Variants in HUWE1 observed in about 807,000 individuals in gnomAD.
HUWE1 encodes E3 ubiquitin-protein ligase HUWE1.
Under a neutral mutation model 299.4 loss-of-function variants are expected in HUWE1, and 18 were observed. The ratio of observed to expected loss-of-function variants is 0.06; its 90% confidence interval spans 0.04 to 0.09. HUWE1 has a LOEUF of 0.09. HUWE1 is among the 10% of genes least tolerant of loss of function. The pLI, the probability that HUWE1 is intolerant of heterozygous loss-of-function variation, is 1.00. For missense variants in HUWE1, 1,832 were observed against 3,462.3 expected (o/e 0.53, Z 11.82); for synonymous variants, 1,317 against 1,286.1 (o/e 1.02, Z -0.51).
chrX:53,533,637 C>T lies in HUWE1; in HGVS notation c.13023-226G>A, dbSNP rs782113303. 1.8e-5 allele frequency: 8 copies of T among 448,265 alleles called. No individual in the cohort carries two copies. In the African/African-American group the frequency reaches 2.0e-4, roughly 11 times the overall value. 36.9% of individuals were successfully genotyped at this position (448,265 alleles called of 1,213,427 possible). On this transcript the variant is annotated intron_variant, in intron 83 of 83. Coordinates refer to ENST00000262854, the MANE Select transcript of HUWE1 (RefSeq NM_031407.7). Reference sequence around the variant, plus strand: ...TGACCCTGTCACTCCTCCTTAAACACCCTGGCCTCACTCGCCCATAGGCTA... The same window carrying T: ...TGACCCTGTCACTCCTCCTTAAACATCCTGGCCTCACTCGCCCATAGGCTA...
intron 3 of HUWE1, among the ~76,000 whole-genome samples, chrX:53,677,750 C>T (rs2069904882): frequency 9.0e-6 from 1 of 111,351 alleles, no homozygotes; most frequent in South Asian, 3.7e-4. Flanking sequence ...AATATACCCA[C>T]GCACTTCTGG....
intron 46 of HUWE1, among the ~76,000 whole-genome samples, chrX:53,574,571 T>A (rs1556956425): frequency 8.9e-6 from 1 of 112,487 alleles, no homozygotes; most frequent in Non-Finnish European, 1.9e-5. Flanking sequence ...ACACTACATA[T>A]GGCCAGTAAA....
intron 7 of HUWE1, 55 bp from the exon 8 acceptor site, chrX:53,634,353 C>A: frequency 1.1e-6 from 1 of 870,841 alleles, no homozygotes; most frequent in Non-Finnish European, 1.7e-6. Context: ...CTTTGCGCCA[C>A]TGCACTCCAG....
At chrX:53,573,336 C>G (rs2062929487) in intron 47 of HUWE1, among the ~76,000 whole-genome samples, 1 of 109,276 alleles carries the variant, frequency 9.2e-6, no homozygotes, top group African/African-American at 3.5e-5. Context: ...CTCCTGGGTT[C>G]AAGTGATTCC....
chrX:53,661,858 C>A (rs782130841), intron 3 of HUWE1, among the ~76,000 whole-genome samples: 1 of 111,732 alleles, frequency 8.9e-6, no homozygotes, highest in East Asian at 2.8e-4. Context: ...AGGTTTGAAT[C>A]TTGGTTTTGT....
chrX:53,601,345 C>A (rs1432759164), intron 28 of HUWE1, among the ~76,000 whole-genome samples: 3 of 109,706 alleles, frequency 2.7e-5, no homozygotes, highest in African/African-American at 1.0e-4. Context: ...CCATGGCCGG[C>A]TAATTTTTGT....
At position 53,554,813 on chromosome X, in the gene HUWE1, G is replaced by C. The variant is rs1165481938; in HGVS notation, c.8314C>G (p.Pro2772Ala). The C allele has an allele frequency of 8.3e-7, 1 of 1,209,498 alleles. No individual in the cohort carries two copies. Among genetic ancestry groups the C allele is most frequent in the Non-Finnish European group, 1.1e-6 (1 of 895,030 alleles). Reference protein sequence around the residue: ...LGTLQSSQQQPTLPTPPALGE... With the variant: ...LGTLQSSQQQATLPTPPALGE... ...AAAGCTGGTGGGGTTGGGAGTGTTG[G>C]TTGCTGTTGTGAGGATTGCAGAGTG... The change falls in exon 61 of 84, where the codon CCA becomes GCA. Residue 2772 changes from proline to alanine, a missense_variant. Transcript: ENST00000262854.
In HUWE1 at chrX:53,544,627, C is replaced by G. The variant is rs2061478452; in HGVS notation, c.11184G>C (p.Gln3728His). 1.7e-6 allele frequency: 2 copies of G among 1,208,821 alleles called. No individual in the cohort carries two copies. Among genetic ancestry groups the G allele is most frequent in the African/African-American group, 3.5e-5 (2 of 57,123 alleles). The change falls in exon 72 of 84, where the codon CAG (glutamine) becomes CAC (histidine). Residue 3728 changes from glutamine (Q) to histidine (H), a missense_variant. Coordinates refer to ENST00000262854, the MANE Select transcript of HUWE1 (RefSeq NM_031407.7). Reference protein sequence around the residue: ...STQKFFLRVLQVIIQLRDDTR... With the variant: ...STQKFFLRVLHVIIQLRDDTR... Reference sequence around the variant, plus strand: ...TGTCGTCCCGGAGCTGGATGATGACCTGTAGTACCCTCAAGAAGAACTTCT... The same window carrying G: ...TGTCGTCCCGGAGCTGGATGATGACGTGTAGTACCCTCAAGAAGAACTTCT...
chrX:53,686,497 T>TC lies in HUWE1; in HGVS notation c.-262+90dup, dbSNP rs202021767. On this transcript the variant is annotated intron_variant, in intron 1 of 83. Coordinates refer to ENST00000262854, the MANE Select transcript of HUWE1 (RefSeq NM_031407.7). ...CCTCCGCGCAGGGTCCCGTGGGAAC[T>TC]CCCCCCCCAACCTCGCCACTGCCAC... The TC allele has an allele frequency of 6.4e-3, 704 of 110,186 alleles. 3 individuals carry two copies. The highest frequency in any genetic ancestry group is 0.011 in the South Asian group (28 of 2,605). The allele number at this position is 110,186 out of a possible 1,213,427, so 9.1% of individuals were successfully genotyped here.
chrX:53,557,591 A>C (rs2062081342), intron 59 of HUWE1, among the ~76,000 whole-genome samples, 164 bp from the exon 60 acceptor site: 1 of 111,796 alleles, frequency 8.9e-6, no homozygotes, highest in Non-Finnish European at 1.9e-5. Context: ...TCACTGTGCA[A>C]ATATATGACC....
At chrX:53,663,914 C>T (rs1461797107) in intron 3 of HUWE1, among the ~76,000 whole-genome samples, 2 of 109,642 alleles carry the variant, frequency 1.8e-5, no homozygotes, top group Non-Finnish European at 3.8e-5. Context: ...GGAAGAAATA[C>T]ACATTATTAG....
chrX:53,575,202 T>C lies in HUWE1; in HGVS notation c.6050A>G (p.Asp2017Gly). ...TGCGGAAGTCTCAGTGGAGGCACCATCTGCAGCAAAGACCTGACTCTGAAG... is the reference window on the plus strand; with the variant it reads ...TGCGGAAGTCTCAGTGGAGGCACCACCTGCAGCAAAGACCTGACTCTGAAG... ...FSINSQVFAA[D>G]GASTETSASG... The change falls in exon 46 of 84, where the codon GAT (aspartate) becomes GGT (glycine). Residue 2017 changes from aspartate to glycine, a missense_variant. Transcript: ENST00000262854. 2 of 1,204,817 alleles carry C rather than the reference T, an allele frequency of 1.7e-6. No homozygotes were observed. Among genetic ancestry groups the C allele is most frequent in the Non-Finnish European group, 2.2e-6 (2 of 889,900 alleles).
chrX:53,535,563 T>C (rs782399523), intron 80 of HUWE1, 62 bp from the exon 81 acceptor site: 9 of 743,828 alleles, frequency 1.2e-5, no homozygotes, highest in Non-Finnish European at 1.9e-5. Flanking sequence ...ATTAGATACC[T>C]AGGAACACAC....
At position 53,583,600 on chromosome X, in the gene HUWE1, G is replaced by A; in HGVS notation, c.5478C>T (p.His1826=). 1 of 1,209,977 alleles carries A rather than the reference G, an allele frequency of 8.3e-7. No individual in the cohort carries two copies. The highest frequency in any genetic ancestry group is 1.1e-6 in the Non-Finnish European group (1 of 893,853). ...GAAGGGTACAGGGGTCCTCAATGAT[G>A]TGTCTTAAGAGAAGGGTGACCAGGG... ...FTPLVTLLLR[H]IIEDPCTLRH... is the part of the protein sequence containing the mutation. The change falls in exon 42 of 84, where the codon CAC becomes CAT. Residue 1826 remains histidine (H), a synonymous_variant. Coordinates refer to ENST00000262854, the MANE Select transcript of HUWE1 (RefSeq NM_031407.7).
chrX:53,550,255 G>T (rs947502506), intron 66 of HUWE1, among the ~76,000 whole-genome samples: 1 of 111,387 alleles, frequency 9.0e-6, no homozygotes, highest in Non-Finnish European at 1.9e-5. Flanking sequence ...GGCCTTGTAG[G>T]AACCAATCAC....
intron 49 of HUWE1, among the ~76,000 whole-genome samples, chrX:53,567,263 T>C (rs1474832873): frequency 9.0e-6 from 1 of 111,709 alleles, no homozygotes. Flanking sequence ...GGTAGACACA[T>C]GGTGTTCATT....
At chrX:53,577,414 CT>C (rs782011955) in intron 43 of HUWE1, among the ~76,000 whole-genome samples, 1 of 79,241 alleles carries the variant, frequency 1.3e-5, no homozygotes, top group Non-Finnish European at 2.7e-5. Context: ...AGGCACATAG[CT>C]GGAACTTCCA....
At chrX:53,535,003 C>T (rs1387053459) in intron 81 of HUWE1, among the ~76,000 whole-genome samples, 1 of 108,716 alleles carries the variant, frequency 9.2e-6, no homozygotes, top group East Asian at 2.9e-4. Flanking sequence ...GTGGTGCGAT[C>T]TCAGCTCACT....
intron 71 of HUWE1, 25 bp from the exon 72 acceptor site, chrX:53,544,787 G>A (rs782197677): frequency 9.8e-6 from 11 of 1,121,113 alleles, no homozygotes; most frequent in African/African-American, 5.4e-5. Flanking sequence ...GGTGGCTTGC[G>A]TATATTGACA....
Sources: allele counts gnomAD v4.1 joint callset (sites outside exome capture counted in the v4.1 genomes callset), GRCh38; gene constraint gnomAD v4.1.1; transcripts MANE v1.5; gene names NCBI Gene and HGNC (gene_info 2026-07-23, HGNC 2026-07-21).